Variants in NBPF8 observed in about 807,000 individuals in gnomAD.
NBPF8 encodes NBPF member 8.
chr1:120,454,704 T>G lies in NBPF8; in HGVS notation n.2568+590T>G, dbSNP rs1661385521. ...CAATGTTTCTTTGTAGCATCGTGGATTTTTTTTTTTTTTTTTTTTTTTTTT... is the reference window on the plus strand; with the variant it reads ...CAATGTTTCTTTGTAGCATCGTGGAGTTTTTTTTTTTTTTTTTTTTTTTTT... On this transcript the variant is annotated intron_variant and non_coding_transcript_variant, in intron 15 of 24. Transcript: ENST00000583271. Among the ~76,000 whole-genome samples the G allele has an allele frequency of 2.0e-4, 2 of 9,780 alleles. 1 individual carries two copies. The highest frequency in any genetic ancestry group is 3.4e-3 in the Admixed American group (2 of 596). 6.4% of individuals were successfully genotyped at this position (9,780 alleles called of 152,430 possible).
chr1:120,415,695 C>T (rs1660416511), upstream of NBPF8, among the ~76,000 whole-genome samples: 2 of 152,306 alleles, frequency 1.3e-5, no homozygotes, highest in South Asian at 2.1e-4. Flanking sequence ...TCTTTATTGG[C>T]CTCCGGGATT....
intron 23 of NBPF8, among the ~76,000 whole-genome samples, chr1:120,464,767 G>T (rs1210748467): frequency 1.2e-4 from 18 of 146,802 alleles, no homozygotes; most frequent in African/African-American, 4.6e-4. Flanking sequence ...GGCCATACCT[G>T]TGGCGCCCTG....
chr1:120,431,494 AAAG>A (rs1660878765), upstream of NBPF8, among the ~76,000 whole-genome samples: 1 of 151,112 alleles, frequency 6.6e-6, no homozygotes, highest in Non-Finnish European at 1.5e-5. Flanking sequence ...ATACTTCAGA[AAAG>A]AAGATACATG....
rs1208847092 is a variant in NBPF8, at chr1:120,452,645, A to G, written n.2289+314A>G. On this transcript the variant is annotated intron_variant and non_coding_transcript_variant, in intron 13 of 24. Coordinates refer to ENST00000583271, the Ensembl canonical transcript of NBPF8. The stretch of plus-strand genomic sequence containing the variant: ...CTTGTTAGAGTGAAAAGAGCTCTGG[A>G]CTAAGAATGAAGGTTCCCAGGCTGT... Among the ~76,000 whole-genome samples the G allele has an allele frequency of 6.6e-5, 10 of 152,362 alleles. No homozygotes were observed. The South Asian group carries it at 1.0e-3, about 16-fold the overall frequency.
At position 120,428,070 on chromosome 1, in the gene NBPF8, T is replaced by C. The variant is rs1260318925; in HGVS notation, n.510+223T>C. Among the ~76,000 whole-genome samples, 8 of 152,374 alleles carry C rather than the reference T, an allele frequency of 5.3e-5. No individual in the cohort carries two copies. The East Asian group carries it at 1.2e-3, about 22-fold the overall frequency. On this transcript the variant is annotated intron_variant and non_coding_transcript_variant, in intron 3 of 28. Coordinates refer to the NBPF8 transcript ENST00000652355. ...ATTGCATTAGGCTTAAATTTTTTAA[T>C]GCATCTTAAGGTTTTATTGCAAAAT...
At chr1:120,433,240 G>A (rs1367931071), upstream of NBPF8, 2 of 151,974 alleles carry the variant, frequency 1.3e-5, no homozygotes, top group African/African-American at 2.4e-5. Context: ...TAAGCAAGTC[G>A]GTATTGAAGA....
rs1433390818 is a variant in NBPF8 at position 120,460,386 on chromosome 1, C to A, written n.2785-187C>A. On this transcript the variant is annotated intron_variant and non_coding_transcript_variant, in intron 17 of 24. Transcript: ENST00000583271. ...CAACTCAGGGGAATTTTGCCCAAGGCTCATGAAAGAACCCAAGCCAGTTTT... is the reference window on the plus strand; with the variant it reads ...CAACTCAGGGGAATTTTGCCCAAGGATCATGAAAGAACCCAAGCCAGTTTT... Among the ~76,000 whole-genome samples the A allele has an allele frequency of 5.9e-5, 9 of 152,304 alleles. No individual in the cohort carries two copies. In the East Asian group the frequency reaches 1.7e-3, roughly 29 times the overall value.
exon 8 of NBPF8, chr1:120,445,831 A>C: frequency 2.4e-6 from 1 of 422,974 alleles, no homozygotes; most frequent in South Asian, 2.2e-5. Context: ...CACCTTAGGC[A>C]ATATAAAGTC....
upstream of NBPF8, among the ~76,000 whole-genome samples, chr1:120,415,608 C>G (rs1168178230): frequency 1.3e-5 from 2 of 152,180 alleles, no homozygotes; most frequent in South Asian, 2.1e-4. Context: ...CGCACCCCAC[C>G]CTCGAGGCCA....
At chr1:120,469,026 T>C (rs1259693149), downstream of NBPF8, among the ~76,000 whole-genome samples, 3 of 151,498 alleles carry the variant, frequency 2.0e-5, no homozygotes, top group African/African-American at 4.9e-5. Flanking sequence ...TCAGCTGTTA[T>C]CATCCTAGGT....
intron 3 of NBPF8, among the ~76,000 whole-genome samples, chr1:120,428,928 G>A (rs1269732976): frequency 2.7e-5 from 4 of 150,838 alleles, no homozygotes; most frequent in Non-Finnish European, 2.9e-5. Context: ...TGTCTTTTCC[G>A]AATATGAACA....
chr1:120,422,224 C>A (rs1280122428), intron 1 of NBPF8, among the ~76,000 whole-genome samples: 4 of 152,012 alleles, frequency 2.6e-5, no homozygotes, highest in Admixed American at 2.6e-4. Flanking sequence ...ATTGATGAAC[C>A]ACTATTGATA....
rs1553250604 is a variant in NBPF8 at position 120,464,175 on chromosome 1, G to GTC, written n.3287-200_3287-199insCT. On this transcript the variant is annotated intron_variant and non_coding_transcript_variant, in intron 22 of 24. Transcript: ENST00000583271. The stretch of plus-strand genomic sequence containing the variant: ...TGTGTGTGTGTGTGTGTGTGTGTGT[G>GTC]TGTCTGTCTGTCTTTCTCTTTCATT... Among the ~76,000 whole-genome samples the GTC allele has an allele frequency of 9.3e-4, 80 of 85,568 alleles. 1 individual carries two copies. Among genetic ancestry groups the GTC allele is most frequent in the African/African-American group, 1.5e-3 (26 of 17,116 alleles). 56.1% of individuals were successfully genotyped at this position (85,568 alleles called of 152,430 possible). A position where few individuals can be genotyped will look rare whatever the true frequency, so the allele number is the denominator to read the frequency against.
At chr1:120,433,330 G>T (rs1475969924), upstream of NBPF8, 1 of 152,606 alleles carries the variant, frequency 6.6e-6, no homozygotes, top group Non-Finnish European at 1.5e-5. Context: ...AGTAGTAATG[G>T]TGTCAGTATT....
Position 120,465,850 on chromosome 1 carries a change from G to C in NBPF8, n.3569-128G>C, listed in dbSNP as rs1283747266. ...TATCCCAACATAAAGGCAATAATTT[G>C]TTACCTCATTAATGGATCTGTCCTT... On this transcript the variant is annotated intron_variant and non_coding_transcript_variant, in intron 24 of 24. Transcript: ENST00000583271. The C allele has an allele frequency of 4.4e-6, 7 of 1,597,956 alleles. No homozygotes were observed. In the African/African-American group the frequency reaches 6.7e-5, roughly 15 times the overall value.
upstream of NBPF8, among the ~76,000 whole-genome samples, chr1:120,418,854 G>T (rs1416957558): frequency 2.0e-5 from 3 of 151,326 alleles, no homozygotes; most frequent in African/African-American, 7.3e-5. Flanking sequence ...GGCCATTTTA[G>T]TTTTAATAAT....
upstream of NBPF8, among the ~76,000 whole-genome samples, chr1:120,418,571 G>A (rs1475062943): frequency 6.7e-6 from 1 of 150,180 alleles, no homozygotes; most frequent in Non-Finnish European, 1.5e-5. Flanking sequence ...TTTTTCTTGA[G>A]ACAGTGTCTC....
intron 1 of NBPF8, among the ~76,000 whole-genome samples, chr1:120,425,596 T>C (rs1434660019): frequency 6.6e-6 from 1 of 152,198 alleles, no homozygotes; most frequent in African/African-American, 2.4e-5. Flanking sequence ...CTCCGTATGC[T>C]GAACGCCGGT....
At position 120,453,548 on chromosome 1, in the gene NBPF8, G is replaced by A. The variant is rs1553249245; in HGVS notation, n.2362+104G>A. 1.2e-4 allele frequency: 118 copies of A among 989,406 alleles called. 13 individuals carry two copies. Among genetic ancestry groups the A allele is most frequent in the South Asian group, 8.0e-4 (64 of 79,980 alleles). 61.3% of individuals were successfully genotyped at this position (989,406 alleles called of 1,614,324 possible). A position where few individuals can be genotyped will look rare whatever the true frequency, so the allele number is the denominator to read the frequency against. On this transcript the variant is annotated intron_variant and non_coding_transcript_variant, in intron 14 of 24. Coordinates refer to ENST00000583271, the Ensembl canonical transcript of NBPF8. Reference sequence around the variant, plus strand: ...TATGATGGGTCAAAAACCCGCATTTGCTTAGCCACAGTATGTGAAATATAA... The same window carrying A: ...TATGATGGGTCAAAAACCCGCATTTACTTAGCCACAGTATGTGAAATATAA...
Sources: allele counts gnomAD v4.1 joint callset (sites outside exome capture counted in the v4.1 genomes callset), GRCh38; gene constraint gnomAD v4.1.1; transcripts MANE v1.5; gene names NCBI Gene and HGNC (gene_info 2026-07-23, HGNC 2026-07-21).